Variants in RSPO2 observed in about 807,000 individuals in gnomAD.
RSPO2 encodes R-spondin 2.
A neutral mutation model predicts 30.9 loss-of-function variants in RSPO2; 14 were observed. The observed-to-expected ratio is 0.45, with a 90% confidence interval of 0.30 to 0.71. RSPO2 has a LOEUF of 0.71. Ranked by LOEUF, RSPO2 falls within the 30% of genes least tolerant of loss-of-function variation. The pLI is 0.08. For synonymous variants in RSPO2, 107 were observed against 96.4 expected (o/e 1.11, Z -0.64); for missense variants, 264 against 301.9 (o/e 0.87, Z 0.93).
rs539321216 is a variant in RSPO2 at position 108,077,692 on chromosome 8, T to C, written c.94+4853A>G. ...CTAATATATATAAATATACATTATGTATACACTTTAGTATTAATTAGCATG... is the reference window on the plus strand; with the variant it reads ...CTAATATATATAAATATACATTATGCATACACTTTAGTATTAATTAGCATG... On this transcript the variant is annotated intron_variant, in intron 2 of 5. Coordinates refer to ENST00000276659, the MANE Select transcript of RSPO2 (RefSeq NM_178565.5). Among the ~76,000 whole-genome samples, 91 of 152,322 alleles carry C rather than the reference T, an allele frequency of 6.0e-4. 1 individual carries two copies. Among genetic ancestry groups the C allele is most frequent in the African/African-American group, 2.1e-3 (88 of 41,572 alleles).
intron 5 of RSPO2, among the ~76,000 whole-genome samples, chr8:107,911,708 G>A (rs1472722034): frequency 6.6e-6 from 1 of 152,160 alleles, no homozygotes; most frequent in South Asian, 2.1e-4. Flanking sequence ...GAGGAAATAG[G>A]TTTCGAGAAG....
chr8:108,052,609 A>G (rs1017763745), intron 2 of RSPO2, among the ~76,000 whole-genome samples: 2 of 152,184 alleles, frequency 1.3e-5, no homozygotes, highest in African/African-American at 2.4e-5. Context: ...AGAGTAAGCA[A>G]CTGGGAAATT....
At chr8:108,082,265 C>T (rs1349650227) in intron 2 of RSPO2, among the ~76,000 whole-genome samples, 1 of 152,214 alleles carries the variant, frequency 6.6e-6, no homozygotes, top group Non-Finnish European at 1.5e-5. Context: ...GGGCGGCGAA[C>T]ATGAGTGCGG....
At chr8:107,904,694 G>A (rs1175470500) in intron 5 of RSPO2, among the ~76,000 whole-genome samples, 1 of 151,972 alleles carries the variant, frequency 6.6e-6, no homozygotes, top group Non-Finnish European at 1.5e-5. Flanking sequence ...GTCTGGTAAG[G>A]CATATGCCTG....
At chr8:108,077,883 C>T (rs1813062437) in intron 2 of RSPO2, among the ~76,000 whole-genome samples, 1 of 152,106 alleles carries the variant, frequency 6.6e-6, no homozygotes, top group South Asian at 2.1e-4. Flanking sequence ...AGTTTATCAC[C>T]TCCTTTTAGC....
At chr8:107,936,970 T>C (rs887082646) in intron 5 of RSPO2, among the ~76,000 whole-genome samples, 2 of 152,186 alleles carry the variant, frequency 1.3e-5, no homozygotes, top group African/African-American at 2.4e-5. Flanking sequence ...TTTCCTTGGC[T>C]GTGCAGAAGC....
At chr8:107,936,494 T>C (rs1812726794) in intron 5 of RSPO2, among the ~76,000 whole-genome samples, 1 of 152,126 alleles carries the variant, frequency 6.6e-6, no homozygotes, top group South Asian at 2.1e-4. Flanking sequence ...AGCAGTGGGA[T>C]TACTGGGTCA....
intron 5 of RSPO2, among the ~76,000 whole-genome samples, chr8:107,942,277 G>A (rs1287216891): frequency 6.6e-6 from 1 of 152,152 alleles, no homozygotes; most frequent in Non-Finnish European, 1.5e-5. Context: ...AGAGTAAAAT[G>A]TACTGGCTGA....
intron 2 of RSPO2, among the ~76,000 whole-genome samples, chr8:107,998,017 A>G (rs1026823711): frequency 6.6e-5 from 10 of 152,224 alleles, no homozygotes; most frequent in South Asian, 6.2e-4. Flanking sequence ...TCTGAAAATA[A>G]TAAGACTGAA....
chr8:107,963,611 A>G (rs1813704209), intron 3 of RSPO2, among the ~76,000 whole-genome samples: 1 of 147,776 alleles, frequency 6.8e-6, no homozygotes, highest in South Asian at 2.2e-4. Context: ...GCGTGTGTTC[A>G]TGGGTATGAA....
intron 2 of RSPO2, among the ~76,000 whole-genome samples, chr8:108,032,289 T>C (rs1023441112): frequency 6.6e-6 from 1 of 152,224 alleles, no homozygotes; most frequent in African/African-American, 2.4e-5. Context: ...ATAACACATA[T>C]AGTTCCCAGA....
intron 2 of RSPO2, among the ~76,000 whole-genome samples, chr8:108,035,867 C>T (rs1173003182): frequency 6.6e-6 from 1 of 152,078 alleles, no homozygotes; most frequent in Admixed American, 6.5e-5. Flanking sequence ...ACCAAATGCT[C>T]CCTGGGTTAC....
intron 5 of RSPO2, among the ~76,000 whole-genome samples, chr8:107,955,665 T>C (rs1813407602): frequency 6.6e-6 from 1 of 152,148 alleles, no homozygotes; most frequent in Non-Finnish European, 1.5e-5. Context: ...GCCATTTATG[T>C]TTTCATATTT....
intron 2 of RSPO2, among the ~76,000 whole-genome samples, chr8:108,015,558 G>A (rs951735353): frequency 6.6e-6 from 1 of 152,008 alleles, no homozygotes; most frequent in African/African-American, 2.4e-5. Flanking sequence ...CAAGAATCCC[G>A]CTAAGTTAGC....
intron 2 of RSPO2, among the ~76,000 whole-genome samples, chr8:108,051,778 T>C (rs1180196886): frequency 1.3e-5 from 2 of 152,238 alleles, no homozygotes; most frequent in African/African-American, 4.8e-5. Flanking sequence ...GACTCCCATC[T>C]GGGACTCCAG....
chr8:108,071,912 C>T (rs1022661546), intron 2 of RSPO2, among the ~76,000 whole-genome samples: 1 of 152,136 alleles, frequency 6.6e-6, no homozygotes, highest in Non-Finnish European at 1.5e-5. Flanking sequence ...ATGGGAGCTG[C>T]AGGAACAACT....
chr8:108,079,235 C>G (rs866589917), intron 2 of RSPO2, among the ~76,000 whole-genome samples: 3 of 152,118 alleles, frequency 2.0e-5, no homozygotes, highest in Admixed American at 6.6e-5. Flanking sequence ...GCATGTGTCT[C>G]CCCTCTAAAA....
At chr8:108,061,706 C>T (rs201104183) in intron 2 of RSPO2, among the ~76,000 whole-genome samples, 159 of 136,110 alleles carry the variant, frequency 1.2e-3, no homozygotes, top group South Asian at 3.4e-3. Context: ...CTACAGAACT[C>T]GCCACCCCAA....
intron 5 of RSPO2, among the ~76,000 whole-genome samples, chr8:107,948,867 A>T (rs145873389): frequency 3.0e-5 from 1 of 33,682 alleles, no homozygotes; most frequent in African/African-American, 5.2e-5. Context: ...CTCAAAAAAA[A>T]AATAAATAAA....
Sources: gnomAD v4.1 joint callset for allele counts (sites outside exome capture counted in the v4.1 genomes callset) on GRCh38, gnomAD v4.1.1 for gene constraint, MANE v1.5 for transcripts, NCBI Gene and HGNC (gene_info 2026-07-23, HGNC 2026-07-21) for gene names.